HSPG2: variants seen among roughly 807,000 people sequenced by gnomAD.
HSPG2 encodes heparan sulfate proteoglycan 2, also known as basement membrane-specific heparan sulfate proteoglycan core protein.
HSPG2 carries 278 observed loss-of-function variants against 526.6 expected under a neutral mutation model. The ratio of observed to expected loss-of-function variants is 0.53; its 90% CI spans 0.48 to 0.58. The LOEUF is 0.58. Ranked by LOEUF, HSPG2 falls within the 20% of genes least tolerant of loss-of-function variation. HSPG2 has a pLI of 0.00. For missense variants in HSPG2, 5,354 were observed against 6,099.5 expected (o/e 0.88, Z 4.07); for synonymous variants, 2,465 against 2,555.4 (o/e 0.96, Z 1.07).
At chr1:21,830,851 G>A (rs1278617010) in intron 85 of HSPG2, 131 bp downstream of exon 85, 7 of 668,504 alleles carry the variant, frequency 1.0e-5, no homozygotes, top group South Asian at 1.7e-5. Context: ...CATGGGAGGA[G>A]TGGAGAGTGC....
rs745619685 is a variant in HSPG2, at chr1:21,890,019, G to A, written c.536C>T (p.Thr179Ile). 1.7e-5 allele frequency: 27 copies of A among 1,614,034 alleles called. No individual in the cohort carries two copies. Among genetic ancestry groups the A allele is most frequent in the Non-Finnish European group, 2.3e-5 (27 of 1,179,966 alleles). The change falls in exon 6 of 97, where the codon ACC (threonine) becomes ATC (isoleucine). Residue 179 changes from threonine (T) to isoleucine (I), a missense_variant. Physicochemically the swap from Thr to Ile is moderately conservative, Grantham distance 89. Transcript: ENST00000374695. The surrounding 1 kb of genome is among the most constrained non-coding windows in gnomAD (Gnocchi z 4.1). ...TCGGAACTGGAATCCCTGGGGAGAG[G>A]TGACGTAGGAGGCCACAGAGCCGCT... ...ISSGSVASYV[T>I]SPQGFQFRRL...
At chr1:21,851,499 A>C (rs1430000395) in intron 55 of HSPG2, 47 bp downstream of exon 55, 3 of 1,612,032 alleles carry the variant, frequency 1.9e-6, no homozygotes, top group Non-Finnish European at 2.5e-6. Flanking sequence ...TCCGCCACCC[A>C]GGGACCCGCT....
chr1:21,908,335 G>C, intron 1 of HSPG2: 1 of 1,046,330 alleles, frequency 9.6e-7, no homozygotes, highest in Non-Finnish European at 1.5e-6. Flanking sequence ...AAACAAACAA[G>C]TTAAGGGCAA....
At chr1:21,914,378 G>GA (rs1468007629) in intron 1 of HSPG2, among the ~76,000 whole-genome samples, 1 of 146,976 alleles carries the variant, frequency 6.8e-6, no homozygotes, top group Non-Finnish European at 1.5e-5. Flanking sequence ...CATCTATAAA[G>GA]ACCCCAGAGG....
chr1:21,824,431 C>A lies in HSPG2; in HGVS notation c.12745-55G>T. On this transcript the variant is annotated intron_variant, in intron 93 of 96. Transcript: ENST00000374695. The surrounding 1 kb of genome is among the most constrained non-coding windows in gnomAD (Gnocchi z 5.9). ...CCCCAGCCTGGAGAGCAGAGGCTGC[C>A]GAGGCCAGGGGGCTCTGCTTTCCCC... is the stretch of plus-strand genomic sequence containing the variant. The A allele has an allele frequency of 3.7e-6, 6 of 1,603,946 alleles. No homozygotes were observed. The highest frequency in any genetic ancestry group is 5.1e-6 in the Non-Finnish European group (6 of 1,172,014).
In HSPG2 at chr1:21,885,122, T is replaced by A; in HGVS notation, c.1246A>T (p.Ile416Phe). ...ACTGTCTGGCCCCGGGAAGCCTGGA[T>A]GGACTCCCGGGGAGGTGTCACCACC... is the stretch of plus-strand genomic sequence containing the variant. ...PQVVTPPRESIQASRGQTVTF... is the reference protein window; with the variant it reads ...PQVVTPPRESFQASRGQTVTF... The change falls in exon 11 of 97, where the codon ATC becomes TTC. Residue 416 changes from isoleucine to phenylalanine, a missense_variant. By Grantham distance (21) the Ile-to-Phe change is conservative. Transcript: ENST00000374695. The A allele has an allele frequency of 1.9e-6, 3 of 1,612,202 alleles. No individual in the cohort carries two copies. In the South Asian group the frequency reaches 3.3e-5, roughly 18 times the overall value.
chr1:21,887,404 C>T lies in HSPG2; in HGVS notation c.958+16G>A, dbSNP rs1211539902. The T allele has an allele frequency of 6.2e-7, 1 of 1,613,992 alleles. No homozygotes were observed. Among genetic ancestry groups the T allele is most frequent in the Admixed American group, 1.7e-5 (1 of 60,024 alleles). On this transcript the variant is annotated intron_variant, in intron 8 of 96. Coordinates refer to ENST00000374695, the MANE Select transcript of HSPG2 (RefSeq NM_005529.7). The surrounding 1 kb of genome is among the most constrained non-coding windows in gnomAD (Gnocchi z 5.0). ...TCCTGCTCCCCGCACCCACCTGCAC[C>T]CCTGCCGGTGCGCACCACAGTCTAG...
chr1:21,934,736 C>T (rs1569743448), intron 1 of HSPG2, among the ~76,000 whole-genome samples: 1 of 151,854 alleles, frequency 6.6e-6, no homozygotes, highest in East Asian at 1.9e-4. Context: ...GCTGGGACTA[C>T]AGGTACGTGC....
chr1:21,831,829 G>A, intron 81 of HSPG2, 33 bp from the exon 82 acceptor site: 6 of 1,572,326 alleles, frequency 3.8e-6, no homozygotes, highest in Non-Finnish European at 3.5e-6. Context: ...GCAGGAGAGA[G>A]TGGATAGGGG....
chr1:21,905,461 C>T (rs1175352839), intron 1 of HSPG2, among the ~76,000 whole-genome samples: 2 of 152,116 alleles, frequency 1.3e-5, no homozygotes, highest in Non-Finnish European at 2.9e-5. Flanking sequence ...CTTTCAGCCG[C>T]GCATGGTCGG....
At chr1:21,853,214 C>T in intron 50 of HSPG2, 144 bp from the exon 51 acceptor site, 1 of 1,113,954 alleles carries the variant, frequency 9.0e-7, no homozygotes, top group Non-Finnish European at 1.3e-6. Context: ...ACCCTTCTGC[C>T]TCCACATGGC....
intron 1 of HSPG2, among the ~76,000 whole-genome samples, chr1:21,934,831 A>C (rs1018799150): frequency 2.0e-5 from 3 of 151,756 alleles, no homozygotes; most frequent in Non-Finnish European, 4.4e-5. Flanking sequence ...TCCTGACCTC[A>C]TGATCCGCTC....
At position 21,823,736 on chromosome 1, in the gene HSPG2, T is replaced by C. The variant is rs751063223; in HGVS notation, c.12900-17A>G. The C allele has an allele frequency of 2.5e-6, 4 of 1,603,348 alleles. No homozygotes were observed. In the South Asian group the frequency reaches 4.4e-5, roughly 18 times the overall value. On this transcript the variant is annotated splice_polypyrimidine_tract_variant and intron_variant, in intron 95 of 96. Coordinates refer to ENST00000374695, the MANE Select transcript of HSPG2 (RefSeq NM_005529.7). ...CGGCCCTCCCTGCAGTGGAACTGGGTCAGGCCCCTTTCCACAAACTTCCTG... is the reference window on the plus strand; with the variant it reads ...CGGCCCTCCCTGCAGTGGAACTGGGCCAGGCCCCTTTCCACAAACTTCCTG...
At chr1:21,871,263 T>TG (rs1165746191) in intron 33 of HSPG2, among the ~76,000 whole-genome samples, 1 of 145,262 alleles carries the variant, frequency 6.9e-6, no homozygotes, top group Admixed American at 6.8e-5. Context: ...TATTTGTTTT[T>TG]TTTTTTTTTT....
In HSPG2 at chr1:21,890,725, G is replaced by A. The variant is rs371784352; in HGVS notation, c.245-31C>T. ...AAATCGAAGGAGGATCATTTTGAGA[G>A]CCCCAGCCTGGCATCTAGTGGCCTT... On this transcript the variant is annotated intron_variant, in intron 3 of 96. Transcript: ENST00000374695. This position sits in a 1 kb window ranked among gnomAD's most constrained non-coding sequence, Gnocchi z 4.1. 7.2e-6 allele frequency: 11 copies of A among 1,536,210 alleles called. No homozygotes were observed. The African/African-American group carries it at 8.2e-5, about 11-fold the overall frequency.
chr1:21,844,869 C>A (rs561586385), intron 64 of HSPG2, among the ~76,000 whole-genome samples: 1 of 152,280 alleles, frequency 6.6e-6, no homozygotes, highest in East Asian at 1.9e-4. Context: ...AATCTGTGTC[C>A]CCTTATCATG....
Position 21,865,412 on chromosome 1 carries a change from G to C in HSPG2, c.4315-47C>G, listed in dbSNP as rs1572279526. ...TGGAAGGGGAGCCGAGGGGTCCCTGGGGTGCCAGGGTGTCCTCCACCAGTC... is the reference window on the plus strand; with the variant it reads ...TGGAAGGGGAGCCGAGGGGTCCCTGCGGTGCCAGGGTGTCCTCCACCAGTC... On this transcript the variant is annotated intron_variant, in intron 34 of 96. Transcript: ENST00000374695. This position sits in a 1 kb window ranked among gnomAD's most constrained non-coding sequence, Gnocchi z 5.4. The C allele has an allele frequency of 1.3e-6, 2 of 1,533,884 alleles. No homozygotes were observed. Among genetic ancestry groups the C allele is most frequent in the Non-Finnish European group, 1.8e-6 (2 of 1,107,804 alleles).
At position 21,854,391 on chromosome 1, in the gene HSPG2, T is replaced by C. The variant is rs772678499; in HGVS notation, c.6289-48A>G. The C allele has an allele frequency of 1.6e-5, 25 of 1,547,340 alleles. No homozygotes were observed. In the South Asian group the frequency reaches 1.9e-4, roughly 12 times the overall value. On this transcript the variant is annotated intron_variant, in intron 49 of 96. Transcript: ENST00000374695. ...TACGTGAGGACAGGGACGGGGGCTA[T>C]TGTCACCACTCCCTCAGCCTCAGTG... is the stretch of plus-strand genomic sequence containing the variant.
chr1:21,863,179 T>G (rs979921715), intron 37 of HSPG2, among the ~76,000 whole-genome samples: 12 of 149,746 alleles, frequency 8.0e-5, no homozygotes, highest in African/African-American at 3.0e-4. Flanking sequence ...GAGACCATCC[T>G]GGCTGACACA....
Sources: allele counts gnomAD v4.1 joint callset (sites outside exome capture counted in the v4.1 genomes callset), GRCh38; gene constraint gnomAD v4.1.1; non-coding constraint Gnocchi (gnomAD v3.1); transcripts MANE v1.5; gene names NCBI Gene and HGNC (gene_info 2026-07-23, HGNC 2026-07-21).